TENM2: variants seen among roughly 807,000 people sequenced by gnomAD.
TENM2 encodes teneurin-2.
A neutral mutation model predicts 245.2 loss-of-function variants in TENM2; 52 were observed. The observed-to-expected ratio is 0.21, with a 90% confidence interval of 0.17 to 0.27. The LOEUF is 0.27. TENM2 is among the 10% of genes least tolerant of loss of function. The pLI is 1.00. For missense variants in TENM2, 3,046 were observed against 3,666.8 expected (o/e 0.83, Z 4.37); for synonymous variants, 1,363 against 1,438.9 (o/e 0.95, Z 1.19).
chr5:167,022,430 TA>T, the TENM2 span, among the ~76,000 whole-genome samples: 1 of 152,212 alleles, frequency 6.6e-6, no homozygotes, highest in Non-Finnish European at 1.5e-5. Context: ...AAATAACCAG[TA>T]ACTTTTTACG....
At chr5:167,077,822 C>T in the TENM2 span, among the ~76,000 whole-genome samples, 75 of 152,158 alleles carry the variant, frequency 4.9e-4, no homozygotes, top group East Asian at 7.4e-3. Flanking sequence ...ATTTGGAAAA[C>T]TGAGCGGGAA....
intron 2 of TENM2, among the ~76,000 whole-genome samples, chr5:167,543,400 G>A (rs942655198): frequency 2.0e-5 from 3 of 152,166 alleles, no homozygotes; most frequent in African/African-American, 7.2e-5. Flanking sequence ...GAGGAGTGGT[G>A]AAGTCACACA....
chr5:167,358,800 TCTGCACACACA>T (rs1759509437), intron 1 of TENM2, among the ~76,000 whole-genome samples: 2 of 121,722 alleles, frequency 1.6e-5, no homozygotes, highest in Admixed American at 2.0e-4. Flanking sequence ...GAAATTCTGA[TCTGCACACACA>T]CACACACACA....
At chr5:167,318,057 T>G (rs1042051717) in intron 1 of TENM2, among the ~76,000 whole-genome samples, 2 of 152,152 alleles carry the variant, frequency 1.3e-5, no homozygotes, top group African/African-American at 4.8e-5. Flanking sequence ...ACTCTGAATT[T>G]TGAAATTGCA....
chr5:167,314,155 G>A (rs749994396), intron 1 of TENM2, among the ~76,000 whole-genome samples: 2 of 152,004 alleles, frequency 1.3e-5, no homozygotes, highest in Non-Finnish European at 1.5e-5. Context: ...TTATACAAGT[G>A]TGGGCTCCAA....
intron 2 of TENM2, among the ~76,000 whole-genome samples, chr5:167,452,151 T>C (rs1765623062): frequency 6.6e-6 from 1 of 152,206 alleles, no homozygotes; most frequent in South Asian, 2.1e-4. Context: ...ATTGGAAATA[T>C]TGGCTCAAAT....
the TENM2 span, among the ~76,000 whole-genome samples, chr5:167,087,883 G>A: frequency 6.6e-6 from 1 of 151,866 alleles, no homozygotes; most frequent in African/African-American, 2.4e-5. Context: ...TCTGCCTCGT[G>A]GGTTCCAGCA....
At chr5:167,944,169 G>A (rs923618131) in intron 3 of TENM2, among the ~76,000 whole-genome samples, 3 of 152,110 alleles carry the variant, frequency 2.0e-5, no homozygotes, top group Non-Finnish European at 4.4e-5. Context: ...TATTGGGGCG[G>A]GATGGTCCCA....
At chr5:167,323,507 C>G (rs1756893586) in intron 1 of TENM2, among the ~76,000 whole-genome samples, 1 of 152,062 alleles carries the variant, frequency 6.6e-6, no homozygotes, top group Admixed American at 6.6e-5. Flanking sequence ...CTCTGAATAT[C>G]TAACACCTCT....
chr5:167,234,920 A>G, the TENM2 span, among the ~76,000 whole-genome samples: 4 of 152,102 alleles, frequency 2.6e-5, no homozygotes, highest in Non-Finnish European at 4.4e-5. Flanking sequence ...CTGCTTCTCA[A>G]TGTAACTGCT....
chr5:167,076,710 C>G, the TENM2 span, among the ~76,000 whole-genome samples: 1 of 152,152 alleles, frequency 6.6e-6, no homozygotes, highest in Non-Finnish European at 1.5e-5. Flanking sequence ...CATATAAATA[C>G]TTAAATTATT....
intron 2 of TENM2, among the ~76,000 whole-genome samples, chr5:167,520,118 A>G (rs981568120): frequency 1.3e-5 from 2 of 152,164 alleles, no homozygotes; most frequent in African/African-American, 4.8e-5. Flanking sequence ...ATATTTAATC[A>G]CCCAATGCCT....
intron 2 of TENM2, among the ~76,000 whole-genome samples, chr5:167,783,352 C>T (rs1583000082): frequency 6.6e-6 from 1 of 151,976 alleles, no homozygotes; most frequent in Non-Finnish European, 1.5e-5. Flanking sequence ...CAGGAGTGAG[C>T]CGTGTTTGTG....
intron 25 of TENM2, among the ~76,000 whole-genome samples, chr5:168,230,216 A>C (rs539474881): frequency 6.6e-6 from 1 of 152,340 alleles, no homozygotes; most frequent in East Asian, 1.9e-4. Flanking sequence ...ATCTATCAAC[A>C]CCTCAACATT....
At chr5:167,516,382 A>G (rs553546728) in intron 2 of TENM2, among the ~76,000 whole-genome samples, 1 of 152,294 alleles carries the variant, frequency 6.6e-6, no homozygotes, top group South Asian at 2.1e-4. Context: ...AGGTTTCTAA[A>G]TAGAAACCTA....
At chr5:167,846,446 G>A (rs1770047342) in intron 2 of TENM2, among the ~76,000 whole-genome samples, 1 of 152,168 alleles carries the variant, frequency 6.6e-6, no homozygotes, top group South Asian at 2.1e-4. Flanking sequence ...GAAAAGAGAA[G>A]GCAAGAGAAG....
chr5:167,561,993 A>G (rs1284772090), intron 2 of TENM2, among the ~76,000 whole-genome samples: 1 of 152,124 alleles, frequency 6.6e-6, no homozygotes, highest in African/African-American at 2.4e-5. Flanking sequence ...TTGGTTTTGG[A>G]AAAGGCCGGG....
intron 6 of TENM2, among the ~76,000 whole-genome samples, chr5:168,055,017 G>A (rs905450663): frequency 6.6e-6 from 1 of 152,168 alleles, no homozygotes; most frequent in African/African-American, 2.4e-5. Context: ...AACTCTGGGA[G>A]ACATGAACTG....
At chr5:167,970,720 T>C (rs1174826664) in intron 4 of TENM2, among the ~76,000 whole-genome samples, 1 of 152,136 alleles carries the variant, frequency 6.6e-6, no homozygotes, top group African/African-American at 2.4e-5. Context: ...TAGTTCTGTG[T>C]TTAATTAGAT....
Sources: gnomAD v4.1 joint callset for allele counts (sites outside exome capture counted in the v4.1 genomes callset) on GRCh38, gnomAD v4.1.1 for gene constraint, MANE v1.5 for transcripts, NCBI Gene and HGNC (gene_info 2026-07-23, HGNC 2026-07-21) for gene names.